Variants in ACTR3C observed in about 807,000 individuals in gnomAD.
ACTR3C encodes actin related protein 3C.
ACTR3C carries 18 observed loss-of-function variants against 26.3 expected under a neutral mutation model. That is an observed-to-expected ratio of 0.68 (90% CI 0.47 to 1.01). The LOEUF is 1.01. Among genes scored for constraint, ACTR3C ranks in the 50% least tolerant of loss-of-function variants. The pLI is 0.00. For missense variants in ACTR3C, 184 were observed against 250.7 expected (o/e 0.73, Z 1.80); for synonymous variants, 55 against 94.5 (o/e 0.58, Z 2.42).
At chr7:150,150,366 C>G in the ACTR3C span, among the ~76,000 whole-genome samples, 1 of 152,222 alleles carries the variant, frequency 6.6e-6, no homozygotes, top group East Asian at 1.9e-4. Context: ...GAGATTGAGG[C>G]TATGTTCTCA....
At chr7:150,161,218 A>T in the ACTR3C span, among the ~76,000 whole-genome samples, 1 of 128,616 alleles carries the variant, frequency 7.8e-6, no homozygotes, top group African/African-American at 3.3e-5. Flanking sequence ...ATATATATAT[A>T]TATATATTTA....
the ACTR3C span, among the ~76,000 whole-genome samples, chr7:150,159,206 C>G: frequency 6.6e-6 from 1 of 152,034 alleles, no homozygotes; most frequent in African/African-American, 2.4e-5. Flanking sequence ...AAGAAAGGAG[C>G]CAGTGGGAAG....
chr7:150,199,725 CAAAAA>C, the ACTR3C span, among the ~76,000 whole-genome samples: 1 of 86,086 alleles, frequency 1.2e-5, no homozygotes, highest in East Asian at 3.6e-4. Context: ...ATATTTTTAT[CAAAAA>C]AAAAAAAAAA....
the ACTR3C span, among the ~76,000 whole-genome samples, chr7:149,958,862 G>T: frequency 6.6e-6 from 1 of 152,218 alleles, no homozygotes; most frequent in African/African-American, 2.4e-5. Flanking sequence ...ACTGGTCTAT[G>T]TTTTTCTGGA....
the ACTR3C span, among the ~76,000 whole-genome samples, chr7:150,086,443 G>C: frequency 6.6e-6 from 1 of 152,152 alleles, no homozygotes; most frequent in Middle Eastern, 3.2e-3. Context: ...TAACTTTTGG[G>C]CTCAGTCAGA....
At chr7:149,893,054 T>G in the ACTR3C span, among the ~76,000 whole-genome samples, 1 of 152,214 alleles carries the variant, frequency 6.6e-6, no homozygotes, top group Non-Finnish European at 1.5e-5. Flanking sequence ...TAGCAGTAAA[T>G]AATCATATCA....
At chr7:150,097,627 C>T in the ACTR3C span, among the ~76,000 whole-genome samples, 1 of 151,522 alleles carries the variant, frequency 6.6e-6, no homozygotes, top group Admixed American at 6.6e-5. Context: ...TAAGAAATCA[C>T]ACTTCATTCT....
the ACTR3C span, among the ~76,000 whole-genome samples, chr7:150,198,296 T>C: frequency 3.6e-5 from 5 of 137,230 alleles, no homozygotes; most frequent in Admixed American, 2.1e-4. Context: ...TGTCTCTGCC[T>C]GGCCGCCCAT....
chr7:150,261,071 G>A (rs1055664924), intron 6 of ACTR3C, among the ~76,000 whole-genome samples: 1 of 152,224 alleles, frequency 6.6e-6, no homozygotes, highest in Non-Finnish European at 1.5e-5. Flanking sequence ...AATAACTTCT[G>A]TGATTCTGTA....
At chr7:149,975,346 C>A in the ACTR3C span, among the ~76,000 whole-genome samples, 2 of 151,974 alleles carry the variant, frequency 1.3e-5, no homozygotes, top group African/African-American at 4.8e-5. Context: ...ATACTTTGAG[C>A]TGAGTAAAAA....
At chr7:150,087,449 T>A in the ACTR3C span, among the ~76,000 whole-genome samples, 1 of 152,042 alleles carries the variant, frequency 6.6e-6, no homozygotes, top group Non-Finnish European at 1.5e-5. Flanking sequence ...AGAAAGCAAG[T>A]GTTTTTGGGA....
At chr7:150,038,368 G>T in the ACTR3C span, among the ~76,000 whole-genome samples, 4 of 143,148 alleles carry the variant, frequency 2.8e-5, no homozygotes, top group Non-Finnish European at 6.1e-5. Context: ...GCATACAATG[G>T]AAAAGGCTTT....
At chr7:150,055,344 TG>T in the ACTR3C span, among the ~76,000 whole-genome samples, 2 of 152,234 alleles carry the variant, frequency 1.3e-5, no homozygotes, top group African/African-American at 4.8e-5. Flanking sequence ...ATTTTCTTCA[TG>T]GCACCAAGGT....
chr7:150,037,776 TC>T, the ACTR3C span, among the ~76,000 whole-genome samples: 5 of 25,676 alleles, frequency 1.9e-4, no homozygotes, highest in East Asian at 2.3e-3. Context: ...TGCCTCCCCC[TC>T]CTGCGATGGG....
chr7:150,151,956 A>G, the ACTR3C span, among the ~76,000 whole-genome samples: 5,845 of 139,010 alleles, frequency 0.042, 831 homozygotes, highest in African/African-American at 0.12. Flanking sequence ...TTATTGGTGT[A>G]TAAGAATGCT....
the ACTR3C span, among the ~76,000 whole-genome samples, chr7:150,000,171 TA>T: frequency 6.6e-6 from 1 of 152,184 alleles, no homozygotes; most frequent in Non-Finnish European, 1.5e-5. Flanking sequence ...TCTTACATAA[TA>T]AAAAATCTTC....
chr7:150,156,442 G>A, the ACTR3C span, among the ~76,000 whole-genome samples: 1 of 152,038 alleles, frequency 6.6e-6, no homozygotes, highest in Non-Finnish European at 1.5e-5. Flanking sequence ...TTAAACTCTT[G>A]ATGAAATAAA....
the ACTR3C span, among the ~76,000 whole-genome samples, chr7:150,024,506 G>A: frequency 7.5e-5 from 11 of 147,540 alleles, no homozygotes; most frequent in African/African-American, 2.8e-4. Context: ...TCCGACAGTT[G>A]CTTTCCTTCA....
chr7:149,923,428 A>G, the ACTR3C span, among the ~76,000 whole-genome samples: 4 of 152,206 alleles, frequency 2.6e-5, no homozygotes, highest in Admixed American at 1.3e-4. Flanking sequence ...ATATATCTAT[A>G]TCAGATAAAC....
Sources: allele counts gnomAD v4.1 joint callset (sites outside exome capture counted in the v4.1 genomes callset), GRCh38; gene constraint gnomAD v4.1.1; transcripts MANE v1.5; gene names NCBI Gene and HGNC (gene_info 2026-07-23, HGNC 2026-07-21).